Variants in THSD7A observed in about 807,000 individuals in gnomAD.
THSD7A encodes thrombospondin type 1 domain containing 7A, also known as thrombospondin type-1 domain-containing protein 7A.
In THSD7A, 96 loss-of-function variants were observed where a neutral mutation model predicts 231.3. The observed-to-expected ratio is 0.41, with a 90% CI of 0.35 to 0.49. THSD7A has a LOEUF of 0.49. Ranked by LOEUF, THSD7A falls within the 20% of genes least tolerant of loss-of-function variation. The pLI, the probability that THSD7A is intolerant of heterozygous loss-of-function variation, is 0.05. For missense variants in THSD7A, 2,290 were observed against 2,070.2 expected, an observed-to-expected ratio of 1.11 and a Z score of -2.06; for synonymous variants, 940 against 743.3, an observed-to-expected ratio of 1.26 and a Z score of -4.30.
Position 11,782,806 on chromosome 7 carries a change from T to C in THSD7A, c.190+48951A>G, listed in dbSNP as rs182078460. Reference sequence around the variant, plus strand: ...AATTTTTTTTTAGCATTAGGGACTTTGCAATTTTTCAAATTATTTTGGAAT... The same window carrying C: ...AATTTTTTTTTAGCATTAGGGACTTCGCAATTTTTCAAATTATTTTGGAAT... On this transcript the variant is annotated intron_variant, in intron 1 of 27. Coordinates refer to ENST00000423059, the MANE Select transcript of THSD7A (RefSeq NM_015204.3). 8.5e-3 allele frequency among the ~76,000 whole-genome samples: 1,289 copies of C among 152,304 alleles called. 14 individuals are homozygous for C. The highest frequency in any genetic ancestry group is 9.2e-3 in the Non-Finnish European group (629 of 68,002).
intron 11 of THSD7A, among the ~76,000 whole-genome samples, chr7:11,457,733 C>A (rs1785355372): frequency 6.6e-6 from 1 of 152,038 alleles, no homozygotes; most frequent in South Asian, 2.1e-4. Flanking sequence ...CTCAATCCAC[C>A]CACTTTTCTG....
chr7:11,574,428 A>G (rs1314254458), intron 4 of THSD7A, among the ~76,000 whole-genome samples: 3 of 147,936 alleles, frequency 2.0e-5, no homozygotes. Flanking sequence ...AGAAAAGGGA[A>G]ACAAAAACTT....
intron 1 of THSD7A, among the ~76,000 whole-genome samples, chr7:11,791,480 T>C (rs1403804353): frequency 3.9e-5 from 6 of 152,038 alleles, no homozygotes; most frequent in Non-Finnish European, 7.4e-5. Flanking sequence ...GAAGGAAAGT[T>C]GTAGTTTCCC....
At chr7:11,817,355 C>T (rs1784737544) in intron 1 of THSD7A, among the ~76,000 whole-genome samples, 1 of 152,194 alleles carries the variant, frequency 6.6e-6, no homozygotes, top group South Asian at 2.1e-4. Flanking sequence ...GCATTGCCTG[C>T]ATGGCTAAGA....
intron 2 of THSD7A, among the ~76,000 whole-genome samples, chr7:11,617,575 T>C (rs2128351561): frequency 6.6e-6 from 1 of 152,324 alleles, no homozygotes; most frequent in African/African-American, 2.4e-5. Flanking sequence ...ATTTCTAATA[T>C]TTTATTGTTG....
At chr7:11,638,398 C>T (rs1239820228) in intron 1 of THSD7A, among the ~76,000 whole-genome samples, 1 of 152,124 alleles carries the variant, frequency 6.6e-6, no homozygotes, top group East Asian at 1.9e-4. Context: ...TTCTTCTGTA[C>T]ATAACAATTG....
intron 1 of THSD7A, among the ~76,000 whole-genome samples, chr7:11,810,860 T>C (rs1268875866): frequency 1.3e-5 from 2 of 152,172 alleles, no homozygotes; most frequent in Non-Finnish European, 2.9e-5. Flanking sequence ...CAGAAAAATT[T>C]TGAAACATTT....
chr7:11,522,380 G>C (rs1342082352), intron 6 of THSD7A, among the ~76,000 whole-genome samples: 9 of 152,020 alleles, frequency 5.9e-5, no homozygotes, highest in African/African-American at 2.2e-4. Context: ...AATGTTCTTT[G>C]GGTAAATATT....
intron 6 of THSD7A, among the ~76,000 whole-genome samples, chr7:11,518,409 T>A (rs954281100): frequency 6.6e-5 from 10 of 152,108 alleles, no homozygotes; most frequent in African/African-American, 2.2e-4. Context: ...TAGGAGAGTG[T>A]ACTCTAAGTT....
At chr7:11,614,204 G>A (rs1358397142) in intron 2 of THSD7A, among the ~76,000 whole-genome samples, 2 of 152,142 alleles carry the variant, frequency 1.3e-5, no homozygotes, top group Non-Finnish European at 2.9e-5. Context: ...TAATCCACTG[G>A]AAAATTCTTG....
intron 1 of THSD7A, among the ~76,000 whole-genome samples, chr7:11,669,129 G>T (rs1420673707): frequency 6.6e-6 from 1 of 151,906 alleles, no homozygotes; most frequent in Non-Finnish European, 1.5e-5. Flanking sequence ...TGCCCCACAA[G>T]GAATGTGAAA....
chr7:11,619,785 A>C (rs1781242691), intron 2 of THSD7A, among the ~76,000 whole-genome samples: 1 of 152,160 alleles, frequency 6.6e-6, no homozygotes, highest in African/African-American at 2.4e-5. Context: ...ATAAATATCA[A>C]GTATTCCTGC....
intron 4 of THSD7A, among the ~76,000 whole-genome samples, chr7:11,587,380 A>T (rs895012711): frequency 1.3e-5 from 2 of 152,202 alleles, no homozygotes; most frequent in African/African-American, 4.8e-5. Flanking sequence ...TACGGAAATG[A>T]TATAGTAGAA....
At chr7:11,635,758 T>A (rs1781815082) in intron 2 of THSD7A, among the ~76,000 whole-genome samples, 1 of 152,198 alleles carries the variant, frequency 6.6e-6, no homozygotes, top group African/African-American at 2.4e-5. Flanking sequence ...CCTTTTTCTA[T>A]TAGCTCACTA....
chr7:11,537,242 A>T (rs1380085199), intron 6 of THSD7A, among the ~76,000 whole-genome samples: 2 of 152,156 alleles, frequency 1.3e-5, no homozygotes, highest in African/African-American at 4.8e-5. Context: ...GGTGGTAAAA[A>T]GTTGAGAAAG....
At chr7:11,565,410 C>A (rs1205517749) in intron 4 of THSD7A, among the ~76,000 whole-genome samples, 1 of 152,128 alleles carries the variant, frequency 6.6e-6, no homozygotes, top group Non-Finnish European at 1.5e-5. Context: ...AGAGTGACAG[C>A]CAGACTTCAG....
At chr7:11,702,187 T>C in intron 1 of THSD7A, among the ~76,000 whole-genome samples, 1 of 151,240 alleles carries the variant, frequency 6.6e-6, no homozygotes, top group East Asian at 2.0e-4. Context: ...CATTTATTAG[T>C]TCATACTTCT....
At chr7:11,481,735 T>C in intron 7 of THSD7A, 53 bp downstream of exon 7, 2 of 1,485,848 alleles carry the variant, frequency 1.3e-6, no homozygotes, top group Non-Finnish European at 1.8e-6. Flanking sequence ...ACAAAAAAGA[T>C]GCACACTAAC....
intron 2 of THSD7A, among the ~76,000 whole-genome samples, chr7:11,635,122 A>G (rs1234541595): frequency 6.6e-6 from 1 of 152,180 alleles, no homozygotes; most frequent in Non-Finnish European, 1.5e-5. Flanking sequence ...GTTCACCAGA[A>G]GCGCAGAGGT....
Sources: gnomAD v4.1 joint callset for allele counts (sites outside exome capture counted in the v4.1 genomes callset) on GRCh38, gnomAD v4.1.1 for gene constraint, MANE v1.5 for transcripts, NCBI Gene and HGNC (gene_info 2026-07-23, HGNC 2026-07-21) for gene names.